The following DPP6 variants were observed in gnomAD, a reference collection of about 807,000 sequenced individuals.
DPP6 encodes the protein A-type potassium channel modulatory protein DPP6.
Under a neutral mutation model 122.6 loss-of-function variants are expected in DPP6, and 69 were observed. That is an observed-to-expected ratio of 0.56 (90% CI 0.46 to 0.69). The LOEUF is 0.69. Ranked by LOEUF, DPP6 falls within the 30% of genes least tolerant of loss-of-function variation. The pLI is 0.00. For missense variants in DPP6, 928 were observed against 1,116.9 expected, an observed-to-expected ratio of 0.83 and a Z score of 2.41; for synonymous variants, 418 against 433.1, an observed-to-expected ratio of 0.97 and a Z score of 0.43.
At chr7:154,140,349 G>A (rs1383479356) in intron 1 of DPP6, among the ~76,000 whole-genome samples, 1 of 152,104 alleles carries the variant, frequency 6.6e-6, no homozygotes, top group East Asian at 1.9e-4. Flanking sequence ...TTACTCTGAC[G>A]GATTACCACA....
chr7:154,622,464 A>G (rs978749504), intron 5 of DPP6, among the ~76,000 whole-genome samples: 1 of 152,210 alleles, frequency 6.6e-6, no homozygotes, highest in African/African-American at 2.4e-5. Flanking sequence ...CCTAGTCTGT[A>G]CAGGGTCTGG....
chr7:154,248,437 T>C (rs12668613), intron 1 of DPP6, among the ~76,000 whole-genome samples: 27,084 of 152,036 alleles, frequency 0.18, 2,731 homozygotes, highest in Non-Finnish European at 0.22. Flanking sequence ...ACAGTGATTA[T>C]TATGGGAGGG....
chr7:154,479,404 A>C (rs560409689), intron 3 of DPP6, among the ~76,000 whole-genome samples: 1 of 152,072 alleles, frequency 6.6e-6, no homozygotes, highest in Admixed American at 6.5e-5. Flanking sequence ...CTAAAAATAC[A>C]AAAATTAGCC....
At chr7:154,732,167 T>C (rs1370305506) in intron 8 of DPP6, among the ~76,000 whole-genome samples, 11 of 151,590 alleles carry the variant, frequency 7.3e-5, no homozygotes, top group Admixed American at 7.3e-4. Context: ...GCCTCCTGAG[T>C]AGCTGGGACT....
chr7:153,906,003 A>T (rs76144247), intron 1 of DPP6, among the ~76,000 whole-genome samples: 1 of 152,332 alleles, frequency 6.6e-6, no homozygotes, highest in African/African-American at 2.4e-5. Flanking sequence ...CAAGGAGACA[A>T]ACGGAAGTGT....
chr7:154,619,732 C>A (rs1243910333), intron 5 of DPP6, among the ~76,000 whole-genome samples: 5 of 151,942 alleles, frequency 3.3e-5, no homozygotes, highest in Admixed American at 3.3e-4. Flanking sequence ...TGTAGATATA[C>A]AACCACATTA....
intron 11 of DPP6, among the ~76,000 whole-genome samples, chr7:154,795,553 T>C (rs535006509): frequency 1.3e-5 from 2 of 152,276 alleles, no homozygotes; most frequent in African/African-American, 4.8e-5. Flanking sequence ...ACGTGCCATC[T>C]TCCCCCAGAG....
chr7:154,176,732 G>A (rs901429774), intron 1 of DPP6, among the ~76,000 whole-genome samples: 1 of 152,220 alleles, frequency 6.6e-6, no homozygotes, highest in Non-Finnish European at 1.5e-5. Context: ...TTGCCTTATG[G>A]CGACCCTCGG....
intron 16 of DPP6, among the ~76,000 whole-genome samples, chr7:154,847,961 T>A (rs1256085235): frequency 6.6e-6 from 1 of 152,258 alleles, no homozygotes; most frequent in Non-Finnish European, 1.5e-5. Context: ...CTTAGCGTAA[T>A]GTCTTCCAGA....
rs1319618925 is a variant in DPP6 at position 154,739,692 on chromosome 7, G to A, written c.883+11805G>A. ...CCATTAGTCATCATCTCTTCAATGCGAAGGTTCGTAATTGTCACATGCACC... is the reference window on the plus strand; with the variant it reads ...CCATTAGTCATCATCTCTTCAATGCAAAGGTTCGTAATTGTCACATGCACC... On this transcript the variant is annotated intron_variant, in intron 8 of 25. Transcript: ENST00000377770. 3.3e-5 allele frequency among the ~76,000 whole-genome samples: 5 copies of A among 152,194 alleles called. No individual in the cohort carries two copies. The East Asian group carries it at 5.8e-4, about 18-fold the overall frequency.
chr7:154,018,198 C>T (rs1423152703), intron 1 of DPP6, among the ~76,000 whole-genome samples: 3 of 151,904 alleles, frequency 2.0e-5, no homozygotes. Flanking sequence ...ACGCTGTCCC[C>T]TTAGAGGTTG....
At position 154,333,781 on chromosome 7, in the gene DPP6, A is replaced by G. The variant is rs1809160211; in HGVS notation, c.244-112433A>G. ...CAGTTTGGTATTTGGCAGTTTAACC[A>G]ATATCTGACTTTATGTAATTTTAAT... On this transcript the variant is annotated intron_variant, in intron 1 of 25. Transcript: ENST00000377770. Among the ~76,000 whole-genome samples the G allele has an allele frequency of 1.3e-5, 2 of 152,238 alleles. 1 individual carries two copies. The highest frequency in any genetic ancestry group is 4.1e-4 in the South Asian group (2 of 4,828).
chr7:153,875,262 GTTC>G, the DPP6 span, among the ~76,000 whole-genome samples: 1 of 152,218 alleles, frequency 6.6e-6, no homozygotes, highest in Non-Finnish European at 1.5e-5. Context: ...ATGCTCTAAA[GTTC>G]TTCTTCAAAA....
chr7:154,318,832 A>G (rs899595117), intron 1 of DPP6, among the ~76,000 whole-genome samples: 5 of 152,004 alleles, frequency 3.3e-5, no homozygotes, highest in Non-Finnish European at 7.4e-5. Flanking sequence ...CTTATATGTT[A>G]GAGAAAAAAG....
At chr7:154,140,493 A>G (rs867277238) in intron 1 of DPP6, among the ~76,000 whole-genome samples, 3 of 152,072 alleles carry the variant, frequency 2.0e-5, no homozygotes, top group Admixed American at 1.3e-4. Flanking sequence ...TACTTTTTTT[A>G]TATTAAAAAG....
At chr7:154,452,959 C>T (rs892327997) in intron 2 of DPP6, among the ~76,000 whole-genome samples, 4 of 152,194 alleles carry the variant, frequency 2.6e-5, no homozygotes, top group African/African-American at 9.7e-5. Context: ...ATGCTCTTTT[C>T]TAAATTTCTT....
At chr7:154,599,789 C>T (rs1359172307) in intron 5 of DPP6, among the ~76,000 whole-genome samples, 2 of 151,780 alleles carry the variant, frequency 1.3e-5, no homozygotes, top group Non-Finnish European at 2.9e-5. Context: ...TCTGTTCTTG[C>T]GATAGTTTGC....
chr7:153,918,056 T>A (rs1247179600), intron 1 of DPP6, among the ~76,000 whole-genome samples: 1 of 152,202 alleles, frequency 6.6e-6, no homozygotes, highest in African/African-American at 2.4e-5. Flanking sequence ...AATAAGAACA[T>A]GCTATATGTG....
chr7:153,982,923 G>GT (rs1463475323), intron 1 of DPP6, among the ~76,000 whole-genome samples: 4 of 152,208 alleles, frequency 2.6e-5, no homozygotes, highest in African/African-American at 4.8e-5. Flanking sequence ...TGGAAGCTTG[G>GT]TCCCAGAGGG....
Sources: gnomAD v4.1 joint callset for allele counts (sites outside exome capture counted in the v4.1 genomes callset) on GRCh38, gnomAD v4.1.1 for gene constraint, MANE v1.5 for transcripts, NCBI Gene and HGNC (gene_info 2026-07-23, HGNC 2026-07-21) for gene names.